Variants in AGBL4 observed in about 807,000 individuals in gnomAD.
The protein encoded by AGBL4 is AGBL carboxypeptidase 4, also known as cytosolic carboxypeptidase 6.
A neutral mutation model predicts 66.4 loss-of-function variants in AGBL4; 58 were observed. The ratio of observed to expected loss-of-function variants is 0.87; its 90% CI spans 0.71 to 1.09. The LOEUF is 1.09. Among genes scored for constraint, AGBL4 ranks in the 50% least tolerant of loss-of-function variants. The pLI, the probability that AGBL4 is intolerant of heterozygous loss-of-function variation, is 0.00. For synonymous variants in AGBL4, 234 were observed against 222.9 expected (o/e 1.05, Z -0.44); for missense variants, 579 against 631.0 (o/e 0.92, Z 0.88).
At chr1:48,904,194 A>C (rs1220243793) in intron 5 of AGBL4, among the ~76,000 whole-genome samples, 1 of 152,118 alleles carries the variant, frequency 6.6e-6, no homozygotes, top group African/African-American at 2.4e-5. Context: ...CAGGAGAATC[A>C]TTTGAACCTG....
chr1:49,575,882 C>G (rs573906823), intron 3 of AGBL4, among the ~76,000 whole-genome samples: 9 of 152,298 alleles, frequency 5.9e-5, no homozygotes, highest in African/African-American at 2.2e-4. Context: ...TTTGGAGAGA[C>G]CTTCATCGCT....
At chr1:49,983,171 T>C (rs950982817) in intron 1 of AGBL4, among the ~76,000 whole-genome samples, 4 of 152,222 alleles carry the variant, frequency 2.6e-5, no homozygotes, top group Non-Finnish European at 5.9e-5. Context: ...TTACTCGCCA[T>C]GTTGCAGGCA....
At chr1:49,768,722 A>G (rs190032784) in intron 2 of AGBL4, among the ~76,000 whole-genome samples, 110 of 152,316 alleles carry the variant, frequency 7.2e-4, no homozygotes, top group African/African-American at 2.4e-3. Flanking sequence ...ATAGAAAAAA[A>G]AGTCAAAATA....
At chr1:49,310,139 G>A (rs542665563) in intron 3 of AGBL4, among the ~76,000 whole-genome samples, 13 of 152,160 alleles carry the variant, frequency 8.5e-5, no homozygotes, top group Non-Finnish European at 2.9e-5. Context: ...GAGTGTGGCA[G>A]GATCGGGGTG....
chr1:49,161,483 C>A (rs751868840), intron 4 of AGBL4, among the ~76,000 whole-genome samples: 1 of 152,200 alleles, frequency 6.6e-6, no homozygotes, highest in Non-Finnish European at 1.5e-5. Flanking sequence ...CAGACCAGAG[C>A]TCTTCCTATT....
chr1:48,835,087 A>T (rs542980369), intron 6 of AGBL4, among the ~76,000 whole-genome samples: 1 of 152,264 alleles, frequency 6.6e-6, no homozygotes, highest in South Asian at 2.1e-4. Flanking sequence ...AATGTGTTAA[A>T]TACTCAAATG....
intron 1 of AGBL4, among the ~76,000 whole-genome samples, chr1:49,948,093 T>C (rs1371140099): frequency 1.7e-4 from 15 of 85,792 alleles, no homozygotes; most frequent in African/African-American, 6.1e-4. Context: ...TAAATATATG[T>C]ATATGTATAT....
intron 5 of AGBL4, among the ~76,000 whole-genome samples, chr1:48,924,259 T>A (rs1654334304): frequency 6.6e-6 from 1 of 151,500 alleles, no homozygotes; most frequent in African/African-American, 2.4e-5. Flanking sequence ...AACCTACACA[T>A]GTACCTGCTG....
intron 2 of AGBL4, among the ~76,000 whole-genome samples, chr1:49,809,700 T>C (rs1645056066): frequency 6.6e-6 from 1 of 152,080 alleles, no homozygotes; most frequent in Non-Finnish European, 1.5e-5. Flanking sequence ...TTCATATAAA[T>C]AATGCAAAAT....
chr1:48,743,036 T>A (rs1355520555), intron 6 of AGBL4, among the ~76,000 whole-genome samples: 1 of 152,166 alleles, frequency 6.6e-6, no homozygotes, highest in African/African-American at 2.4e-5. Context: ...ATTGTCTAAA[T>A]GGAAAGGCAG....
chr1:48,801,568 C>T (rs1338579934), intron 6 of AGBL4, among the ~76,000 whole-genome samples: 1 of 152,152 alleles, frequency 6.6e-6, no homozygotes, highest in South Asian at 2.1e-4. Flanking sequence ...ATATCTTGCT[C>T]AGCTGCCTAA....
intron 3 of AGBL4, chr1:49,469,695 A>G (rs546817965): frequency 1.3e-5 from 2 of 152,038 alleles, no homozygotes; most frequent in African/African-American, 4.8e-5. Context: ...GAAAGTTAAA[A>G]TTATCATTGA....
At chr1:49,350,770 C>T (rs191885295) in intron 3 of AGBL4, among the ~76,000 whole-genome samples, 39 of 152,078 alleles carry the variant, frequency 2.6e-4, no homozygotes, top group South Asian at 6.2e-4. Context: ...TAACCTTCCC[C>T]CCAACTCCCC....
intron 3 of AGBL4, among the ~76,000 whole-genome samples, chr1:49,651,665 A>G (rs1014228886): frequency 3.9e-5 from 6 of 152,086 alleles, no homozygotes; most frequent in Non-Finnish European, 8.8e-5. Flanking sequence ...AAACATACAC[A>G]AGATACACTG....
At chr1:49,309,048 C>A (rs1644899621) in intron 3 of AGBL4, among the ~76,000 whole-genome samples, 1 of 151,918 alleles carries the variant, frequency 6.6e-6, no homozygotes, top group East Asian at 1.9e-4. Flanking sequence ...AATCTAATCA[C>A]CAATATAAAC....
intron 6 of AGBL4, chr1:48,761,531 A>C (rs1433924712): frequency 6.7e-6 from 10 of 1,485,550 alleles, no homozygotes; most frequent in Non-Finnish European, 9.0e-6. Context: ...TTATGAGTTT[A>C]GAATGCCCAA....
At chr1:49,460,211 G>A (rs905129385) in intron 3 of AGBL4, among the ~76,000 whole-genome samples, 1 of 151,674 alleles carries the variant, frequency 6.6e-6, no homozygotes, top group Non-Finnish European at 1.5e-5. Flanking sequence ...CTATTACGGT[G>A]TTGCTATCTA....
chr1:49,623,644 G>A (rs528715672), intron 3 of AGBL4, among the ~76,000 whole-genome samples: 20 of 152,274 alleles, frequency 1.3e-4, no homozygotes, highest in South Asian at 1.2e-3. Context: ...GAACATTCCA[G>A]TTAAATTCTG....
At chr1:49,079,897 T>C (rs1278902913) in intron 4 of AGBL4, among the ~76,000 whole-genome samples, 1 of 152,194 alleles carries the variant, frequency 6.6e-6, no homozygotes, top group Non-Finnish European at 1.5e-5. Context: ...TTTTTCCTGC[T>C]TTATCAATTC....
Sources: gnomAD v4.1 joint callset for allele counts (sites outside exome capture counted in the v4.1 genomes callset) on GRCh38, gnomAD v4.1.1 for gene constraint, MANE v1.5 for transcripts, NCBI Gene and HGNC (gene_info 2026-07-23, HGNC 2026-07-21) for gene names.